The following ST6GALNAC3 variants were observed in gnomAD, a reference collection of about 807,000 sequenced individuals.
ST6GALNAC3 encodes the protein alpha-N-acetylgalactosaminide alpha-2,6-sialyltransferase 3.
A neutral mutation model predicts 32.7 loss-of-function variants in ST6GALNAC3; 25 were observed. The observed-to-expected ratio is 0.76, with a 90% CI of 0.56 to 1.07. ST6GALNAC3 has a LOEUF of 1.07. Ranked by LOEUF, ST6GALNAC3 falls within the 50% of genes least tolerant of loss-of-function variation. The pLI is 0.00. For missense variants in ST6GALNAC3, 355 were observed against 382.4 expected, an observed-to-expected ratio of 0.93 and a Z score of 0.60; for synonymous variants, 129 against 133.1, an observed-to-expected ratio of 0.97 and a Z score of 0.21.
intron 3 of ST6GALNAC3, among the ~76,000 whole-genome samples, chr1:76,484,501 A>C (rs1283044848): frequency 5.9e-5 from 9 of 152,100 alleles, no homozygotes. Flanking sequence ...ATGGGAGTTC[A>C]CTCATGATTT....
At chr1:76,469,642 T>C (rs1177649340) in intron 3 of ST6GALNAC3, among the ~76,000 whole-genome samples, 1 of 152,076 alleles carries the variant, frequency 6.6e-6, no homozygotes, top group Non-Finnish European at 1.5e-5. Flanking sequence ...TTATGAATGA[T>C]GTATAAAGCC....
At chr1:76,434,782 C>CTTTT (rs1557883285) in intron 3 of ST6GALNAC3, among the ~76,000 whole-genome samples, 4 of 98,718 alleles carry the variant, frequency 4.1e-5, no homozygotes, top group African/African-American at 1.5e-4. Context: ...TTTTTTTTCT[C>CTTTT]TGTTTTTTTT....
chr1:76,185,039 G>A (rs1477579195), intron 1 of ST6GALNAC3, among the ~76,000 whole-genome samples: 4 of 151,796 alleles, frequency 2.6e-5, no homozygotes, highest in East Asian at 3.9e-4. Flanking sequence ...TTTAATCCTC[G>A]CACAACCCTG....
At chr1:76,212,314 C>G (rs1364558368) in intron 1 of ST6GALNAC3, among the ~76,000 whole-genome samples, 2 of 152,262 alleles carry the variant, frequency 1.3e-5, no homozygotes. Flanking sequence ...CAGACAATCT[C>G]ATTTTGTTAA....
intron 2 of ST6GALNAC3, among the ~76,000 whole-genome samples, chr1:76,382,339 A>T (rs1651772813): frequency 6.6e-6 from 1 of 152,206 alleles, no homozygotes; most frequent in Non-Finnish European, 1.5e-5. Context: ...CAATACAACT[A>T]TGATTAATAT....
Position 76,441,083 on chromosome 1 carries a change from G to A in ST6GALNAC3, c.623+28666G>A, listed in dbSNP as rs778395039. ...AGCCTGGGCGACAGAGTGAGACTATGTCTCCAAAAAAAAAAAAAAAAAAAA... is the reference window on the plus strand; with the variant it reads ...AGCCTGGGCGACAGAGTGAGACTATATCTCCAAAAAAAAAAAAAAAAAAAA... On this transcript the variant is annotated intron_variant, in intron 3 of 4. Coordinates refer to ENST00000328299, the MANE Select transcript of ST6GALNAC3 (RefSeq NM_152996.4). 2.8e-3 allele frequency among the ~76,000 whole-genome samples: 232 copies of A among 83,614 alleles called. 1 individual carries two copies. Among genetic ancestry groups the A allele is most frequent in the Non-Finnish European group, 4.1e-3 (180 of 44,072 alleles). 54.9% of individuals were successfully genotyped at this position (83,614 alleles called of 152,430 possible).
chr1:76,272,797 A>G (rs1407622050), intron 1 of ST6GALNAC3, among the ~76,000 whole-genome samples: 2 of 152,226 alleles, frequency 1.3e-5, no homozygotes, highest in African/African-American at 4.8e-5. Context: ...CAATGAAAGA[A>G]TAGGCTAACT....
intron 1 of ST6GALNAC3, among the ~76,000 whole-genome samples, chr1:76,093,805 C>T (rs1355322798): frequency 6.6e-6 from 1 of 152,162 alleles, no homozygotes; most frequent in Admixed American, 6.5e-5. Context: ...CTTGGAAGCC[C>T]AAAACCTCAC....
At position 76,384,332 on chromosome 1, in the gene ST6GALNAC3, C is replaced by T. The variant is rs1368600386; in HGVS notation, c.214-27676C>T. Among the ~76,000 whole-genome samples the T allele has an allele frequency of 3.9e-5, 6 of 152,178 alleles. No homozygotes were observed. The East Asian group carries it at 1.2e-3, about 29-fold the overall frequency. On this transcript the variant is annotated intron_variant, in intron 2 of 4. Transcript: ENST00000328299. ...CATAGTGACAAAATGGGCAATTTGACAGGAATATTTAATGATCCGAAAAGA... is the reference window on the plus strand; with the variant it reads ...CATAGTGACAAAATGGGCAATTTGATAGGAATATTTAATGATCCGAAAAGA...
intron 3 of ST6GALNAC3, among the ~76,000 whole-genome samples, chr1:76,432,119 A>AAT (rs1318725349): frequency 1.3e-5 from 2 of 152,200 alleles, no homozygotes; most frequent in African/African-American, 4.8e-5. Flanking sequence ...GTTACTTAGT[A>AAT]ATATTACACT....
chr1:76,086,056 G>T (rs1053775505), intron 1 of ST6GALNAC3, among the ~76,000 whole-genome samples: 4 of 152,134 alleles, frequency 2.6e-5, no homozygotes, highest in African/African-American at 9.7e-5. Flanking sequence ...CCCCTCACTG[G>T]TGGCACCACT....
chr1:76,464,993 C>CT (rs869237288), intron 3 of ST6GALNAC3, among the ~76,000 whole-genome samples: 1 of 146,658 alleles, frequency 6.8e-6, no homozygotes, highest in Non-Finnish European at 1.5e-5. Context: ...TTCAAACTTT[C>CT]TTTTTTCAAA....
At chr1:76,136,785 T>G (rs3011994) in intron 1 of ST6GALNAC3, among the ~76,000 whole-genome samples, 2 of 152,088 alleles carry the variant, frequency 1.3e-5, no homozygotes, top group African/African-American at 4.8e-5. Context: ...TTTACTCCCT[T>G]AGGAAGATTT....
At chr1:76,484,707 C>CCTTT (rs1659980291) in intron 3 of ST6GALNAC3, among the ~76,000 whole-genome samples, 1 of 151,876 alleles carries the variant, frequency 6.6e-6, no homozygotes. Context: ...AACTGAATAC[C>CCTTT]CTTTCTTTCT....
intron 1 of ST6GALNAC3, among the ~76,000 whole-genome samples, chr1:76,105,142 AT>A (rs1305475616): frequency 6.6e-6 from 1 of 152,206 alleles, no homozygotes; most frequent in Non-Finnish European, 1.5e-5. Flanking sequence ...AATTCCAAAA[AT>A]TACAGAAGTG....
intron 2 of ST6GALNAC3, among the ~76,000 whole-genome samples, chr1:76,356,291 C>G (rs192555192): frequency 2.7e-4 from 41 of 152,196 alleles, no homozygotes; most frequent in Admixed American, 2.1e-3. Flanking sequence ...TTCAAAGAAG[C>G]AGGCAATTCA....
chr1:76,270,755 T>G (rs1354451219), intron 1 of ST6GALNAC3, among the ~76,000 whole-genome samples: 1 of 152,054 alleles, frequency 6.6e-6, no homozygotes, highest in African/African-American at 2.4e-5. Context: ...ATAGAAAATG[T>G]CCATCCTCAG....
At chr1:76,174,269 T>C (rs1479211242) in intron 1 of ST6GALNAC3, among the ~76,000 whole-genome samples, 1 of 152,100 alleles carries the variant, frequency 6.6e-6, no homozygotes, top group Admixed American at 6.5e-5. Context: ...CTGAACATTG[T>C]GAATACGTGG....
chr1:76,627,511 C>T lies in ST6GALNAC3; in HGVS notation c.683C>T (p.Ala228Val), dbSNP rs767455088. 4 of 1,612,572 alleles carry T rather than the reference C, an allele frequency of 2.5e-6. No homozygotes were observed. The African/African-American group carries it at 4.0e-5, about 16-fold the overall frequency. ...GWFTFLLAMD[A>V]CYGIHVYGMI... ...TTTACCTTCCTTCTGGCCATGGACG[C>T]CTGTTATGGCATTCACGTCTACGGG... Residue 228 changes from alanine (A) to valine (V), a missense_variant, in exon 4 of 5, where the codon GCC (alanine) becomes GTC (valine). Physicochemically the swap from Ala to Val is moderately conservative, Grantham distance 64. Transcript: ENST00000328299.
Sources: allele counts gnomAD v4.1 joint callset (sites outside exome capture counted in the v4.1 genomes callset), GRCh38; gene constraint gnomAD v4.1.1; transcripts MANE v1.5; gene names NCBI Gene and HGNC (gene_info 2026-07-23, HGNC 2026-07-21).